Variants in ADGRB3 observed in about 807,000 individuals in gnomAD.
ADGRB3 encodes the protein adhesion G protein-coupled receptor B3, also known as brain-specific angiogenesis inhibitor 3.
In ADGRB3, 37 loss-of-function variants were observed where a neutral mutation model predicts 193.4. The ratio of observed to expected loss-of-function variants is 0.19; its 90% CI spans 0.15 to 0.25. The LOEUF is 0.25. ADGRB3 is among the 10% of genes least tolerant of loss of function. ADGRB3 has a pLI of 1.00. For synonymous variants in ADGRB3, 690 were observed against 644.2 expected (o/e 1.07, Z -1.08); for missense variants, 1,637 against 1,852.9 (o/e 0.88, Z 2.14).
At chr6:69,344,767 G>A (rs956972611) in intron 26 of ADGRB3, among the ~76,000 whole-genome samples, 1 of 152,134 alleles carries the variant, frequency 6.6e-6, no homozygotes. Flanking sequence ...TGAAGAGGAA[G>A]GAGGAGATGA....
intron 31 of ADGRB3, among the ~76,000 whole-genome samples, chr6:69,386,367 A>G (rs936396872): frequency 6.6e-6 from 1 of 152,026 alleles, no homozygotes; most frequent in Non-Finnish European, 1.5e-5. Context: ...AACTAATTGG[A>G]CTTTCTTTCA....
At chr6:69,175,653 A>G (rs1302849367) in intron 17 of ADGRB3, among the ~76,000 whole-genome samples, 2 of 152,110 alleles carry the variant, frequency 1.3e-5, no homozygotes, top group Non-Finnish European at 2.9e-5. Flanking sequence ...GACTTTTTGA[A>G]TATTTTTTCT....
chr6:68,969,820 T>A (rs749257783), intron 8 of ADGRB3, among the ~76,000 whole-genome samples: 18 of 152,244 alleles, frequency 1.2e-4, no homozygotes, highest in Non-Finnish European at 2.4e-4. Flanking sequence ...AGCACTGCAC[T>A]GGTCTCCTCC....
intron 3 of ADGRB3, among the ~76,000 whole-genome samples, chr6:68,746,444 A>C (rs533105304): frequency 6.6e-6 from 1 of 152,056 alleles, no homozygotes; most frequent in African/African-American, 2.4e-5. Context: ...AAAAATGTTT[A>C]TAATTTTTAT....
chr6:68,688,389 C>A (rs76303728), intron 3 of ADGRB3, among the ~76,000 whole-genome samples: 6,509 of 152,150 alleles, frequency 0.043, 191 homozygotes, highest in Non-Finnish European at 0.064. Flanking sequence ...ATTCTATATT[C>A]TAAGATATTA....
intron 17 of ADGRB3, among the ~76,000 whole-genome samples, chr6:69,172,605 C>T (rs1436000860): frequency 2.5e-5 from 3 of 121,378 alleles, no homozygotes; most frequent in Non-Finnish European, 3.2e-5. Context: ...GATTGCGCCA[C>T]TGCACTCCAG....
At chr6:69,176,897 A>T (rs912685314) in intron 17 of ADGRB3, among the ~76,000 whole-genome samples, 3 of 151,976 alleles carry the variant, frequency 2.0e-5, no homozygotes, top group Non-Finnish European at 4.4e-5. Context: ...TTTCCTCTAG[A>T]TTTTCTAGTT....
intron 3 of ADGRB3, among the ~76,000 whole-genome samples, chr6:68,760,807 G>A (rs1205153911): frequency 2.6e-5 from 4 of 152,076 alleles, no homozygotes; most frequent in African/African-American, 9.7e-5. Flanking sequence ...CAATTACTGA[G>A]CCCACCACAG....
chr6:69,100,922 G>A (rs1419342136), intron 17 of ADGRB3, among the ~76,000 whole-genome samples: 2 of 49,024 alleles, frequency 4.1e-5, no homozygotes, highest in East Asian at 6.2e-4. Flanking sequence ...GGGAAGGAAG[G>A]AAGGAGGGAG....
intron 3 of ADGRB3, among the ~76,000 whole-genome samples, chr6:68,777,689 C>T (rs1295224151): frequency 9.1e-6 from 1 of 109,328 alleles, no homozygotes; most frequent in Non-Finnish European, 1.8e-5. Flanking sequence ...AAAAAAAAAA[C>T]GACTACTAAA....
chr6:68,901,336 A>T (rs1008867804), intron 3 of ADGRB3, among the ~76,000 whole-genome samples: 1 of 152,196 alleles, frequency 6.6e-6, no homozygotes, highest in South Asian at 2.1e-4. Context: ...ATAGTGCCTC[A>T]GAACATGATA....
intron 3 of ADGRB3, among the ~76,000 whole-genome samples, chr6:68,715,157 T>G (rs1765468653): frequency 6.6e-6 from 1 of 151,666 alleles, no homozygotes; most frequent in African/African-American, 2.4e-5. Flanking sequence ...AATTGGAAAG[T>G]ACATTAATAT....
intron 20 of ADGRB3, among the ~76,000 whole-genome samples, chr6:69,285,126 T>C (rs1424820353): frequency 6.6e-6 from 1 of 152,218 alleles, no homozygotes; most frequent in Non-Finnish European, 1.5e-5. Flanking sequence ...AATGTTTAAA[T>C]AATCCATAGG....
chr6:68,711,885 G>A (rs1765414649), intron 3 of ADGRB3, among the ~76,000 whole-genome samples: 1 of 151,964 alleles, frequency 6.6e-6, no homozygotes, highest in South Asian at 2.1e-4. Flanking sequence ...ACATACCTAA[G>A]CTCTATGTCA....
intron 3 of ADGRB3, among the ~76,000 whole-genome samples, chr6:68,752,563 G>A (rs10455676): frequency 0.35 from 53,866 of 151,756 alleles, 10,367 homozygotes; most frequent in East Asian, 0.64. Context: ...GCGAGCCACT[G>A]TACCTGGCTA....
intron 3 of ADGRB3, among the ~76,000 whole-genome samples, chr6:68,714,051 T>C (rs1186914767): frequency 2.0e-5 from 3 of 151,792 alleles, no homozygotes; most frequent in African/African-American, 7.2e-5. Context: ...GTTGATGTTC[T>C]AAAAGAGTAT....
At chr6:68,964,940 C>T (rs1178673783) in intron 8 of ADGRB3, among the ~76,000 whole-genome samples, 3 of 152,152 alleles carry the variant, frequency 2.0e-5, no homozygotes, top group Non-Finnish European at 4.4e-5. Context: ...GTAAACTTCT[C>T]TGAGAATGGA....
chr6:69,221,083 A>G (rs1765883780), intron 17 of ADGRB3, among the ~76,000 whole-genome samples: 2 of 152,124 alleles, frequency 1.3e-5, no homozygotes, highest in African/African-American at 4.8e-5. Context: ...AGTACTGTCC[A>G]TAGCACAAAA....
In ADGRB3 at chr6:69,018,532, T is replaced by C. The variant is rs577218504; in HGVS notation, c.2107+33T>C. On this transcript the variant is annotated intron_variant, in intron 13 of 31. Coordinates refer to ENST00000370598, the MANE Select transcript of ADGRB3 (RefSeq NM_001704.3). The stretch of plus-strand genomic sequence containing the variant: ...ATAGGATTTTCCCCCAAAATCTTTC[T>C]GAAATAAAAAAAAATTGCAAGTATC... 31 of 1,480,596 alleles carry C rather than the reference T, an allele frequency of 2.1e-5. No individual in the cohort carries two copies. In the South Asian group the frequency reaches 3.6e-4, roughly 17 times the overall value. The allele number at this position is 1,480,596 out of a possible 1,614,324, so 91.7% of individuals were successfully genotyped here.
Sources: allele counts gnomAD v4.1 joint callset (sites outside exome capture counted in the v4.1 genomes callset), GRCh38; gene constraint gnomAD v4.1.1; transcripts MANE v1.5; gene names NCBI Gene and HGNC (gene_info 2026-07-23, HGNC 2026-07-21).